Variants in PTPRN2 observed in about 807,000 individuals in gnomAD.
The protein encoded by PTPRN2 is receptor-type tyrosine-protein phosphatase N2.
PTPRN2 carries 74 observed loss-of-function variants against 118.8 expected under a neutral mutation model. The ratio of observed to expected loss-of-function variants is 0.62; its 90% CI spans 0.52 to 0.76. The LOEUF is 0.76. Among genes scored for constraint, PTPRN2 ranks in the 30% least tolerant of loss-of-function variants. The pLI is 0.00. For missense variants in PTPRN2, 1,481 were observed against 1,394.4 expected, an observed-to-expected ratio of 1.06 and a Z score of -0.99; for synonymous variants, 641 against 608.0, an observed-to-expected ratio of 1.05 and a Z score of -0.80.
chr7:158,044,256 C>T (rs934494710), intron 11 of PTPRN2, among the ~76,000 whole-genome samples: 2 of 152,164 alleles, frequency 1.3e-5, no homozygotes, highest in Admixed American at 6.5e-5. Flanking sequence ...GAAGCTGGTG[C>T]GTCTGGGGAG....
chr7:158,032,412 C>T (rs1467678925), intron 11 of PTPRN2, among the ~76,000 whole-genome samples: 2 of 152,194 alleles, frequency 1.3e-5, no homozygotes, highest in East Asian at 3.9e-4. Flanking sequence ...GGTCAGTTCT[C>T]ATGGTGGAGG....
intron 1 of PTPRN2, among the ~76,000 whole-genome samples, chr7:158,492,254 G>C (rs1821513874): frequency 6.6e-6 from 1 of 152,224 alleles, no homozygotes. Context: ...ACTCTGCTCA[G>C]GATTCTAGGG....
At chr7:158,008,466 C>T (rs867493256) in intron 11 of PTPRN2, among the ~76,000 whole-genome samples, 1 of 152,202 alleles carries the variant, frequency 6.6e-6, no homozygotes. Flanking sequence ...GAACCTGTCC[C>T]GCGCGCGTGG....
chr7:157,980,046 G>A (rs1803020110), intron 11 of PTPRN2, among the ~76,000 whole-genome samples: 1 of 152,162 alleles, frequency 6.6e-6, no homozygotes, highest in African/African-American at 2.4e-5. Flanking sequence ...TAATCACTGA[G>A]GACTCCTTAG....
chr7:157,824,858 A>G (rs887963971), intron 12 of PTPRN2, among the ~76,000 whole-genome samples: 14 of 152,322 alleles, frequency 9.2e-5, no homozygotes, highest in Middle Eastern at 3.4e-3. Flanking sequence ...CCTTGGCTGG[A>G]GCAGATGATG....
chr7:158,529,872 A>G lies in PTPRN2; in HGVS notation c.113-40087T>C, dbSNP rs1429897300. Among the ~76,000 whole-genome samples the G allele has an allele frequency of 2.0e-5, 3 of 152,070 alleles. No individual in the cohort carries two copies. Among genetic ancestry groups the G allele is most frequent in the Non-Finnish European group, 2.9e-5 (2 of 68,012 alleles). On this transcript the variant is annotated intron_variant, in intron 1 of 22. Transcript: ENST00000389418. The surrounding 1 kb of genome is among the most constrained non-coding windows in gnomAD (Gnocchi z 4.7). ...GTGTACATCACACATGCCACACACC[A>G]CACATATGCACACCACACACGTGCC...
chr7:157,834,292 C>T (rs1192436836), intron 12 of PTPRN2, among the ~76,000 whole-genome samples: 2 of 142,342 alleles, frequency 1.4e-5, no homozygotes, highest in African/African-American at 2.9e-5. Context: ...TCCCTGTGAT[C>T]AATCCATCAA....
At chr7:157,910,470 CG>C (rs1182468320) in intron 11 of PTPRN2, among the ~76,000 whole-genome samples, 2 of 131,464 alleles carry the variant, frequency 1.5e-5, no homozygotes, top group Non-Finnish European at 3.2e-5. Flanking sequence ...CACGCACGTA[CG>C]CCGTGGGGAC....
At chr7:158,359,564 C>T (rs996812947) in intron 2 of PTPRN2, among the ~76,000 whole-genome samples, 5 of 152,048 alleles carry the variant, frequency 3.3e-5, no homozygotes, top group African/African-American at 7.2e-5. Flanking sequence ...TCAGCAACAC[C>T]GCGACACTCT....
At chr7:158,332,496 C>A (rs1337634174) in intron 2 of PTPRN2, among the ~76,000 whole-genome samples, 2 of 149,076 alleles carry the variant, frequency 1.3e-5, no homozygotes, top group South Asian at 2.1e-4. Flanking sequence ...CTCACACCCA[C>A]ACTCTCACCA....
chr7:158,336,398 CCA>C (rs1198342884), intron 2 of PTPRN2, among the ~76,000 whole-genome samples: 1 of 133,590 alleles, frequency 7.5e-6, no homozygotes, highest in East Asian at 2.4e-4. Flanking sequence ...TCACTCACAC[CCA>C]CACTCTCACA....
chr7:158,115,971 G>T (rs1021136275), intron 9 of PTPRN2, among the ~76,000 whole-genome samples: 7 of 152,168 alleles, frequency 4.6e-5, no homozygotes, highest in Middle Eastern at 3.2e-3. Context: ...GTTCGCTCAG[G>T]TGAGTAACTG....
chr7:157,559,934 C>A (rs1015239536), intron 21 of PTPRN2, among the ~76,000 whole-genome samples: 1 of 152,158 alleles, frequency 6.6e-6, no homozygotes, highest in African/African-American at 2.4e-5. Flanking sequence ...CGTGGTCTGA[C>A]CCCTAAATGT....
At chr7:158,448,740 G>A (rs1213150415) in intron 2 of PTPRN2, among the ~76,000 whole-genome samples, 1 of 152,176 alleles carries the variant, frequency 6.6e-6, no homozygotes, top group Non-Finnish European at 1.5e-5. Context: ...GCTGCTGGGG[G>A]CATTTCCAGC....
At chr7:158,097,674 C>T (rs1814746963) in intron 10 of PTPRN2, among the ~76,000 whole-genome samples, 1 of 152,254 alleles carries the variant, frequency 6.6e-6, no homozygotes, top group African/African-American at 2.4e-5. Flanking sequence ...TCGATCACCG[C>T]CGCCGCAGAC....
chr7:158,318,159 C>T (rs547597726), intron 2 of PTPRN2, among the ~76,000 whole-genome samples: 1 of 152,284 alleles, frequency 6.6e-6, no homozygotes, highest in East Asian at 1.9e-4. Context: ...CGCCCCCCAC[C>T]GTCCGTGATG....
At chr7:157,721,605 G>A (rs558456744) in intron 12 of PTPRN2, among the ~76,000 whole-genome samples, 12 of 152,196 alleles carry the variant, frequency 7.9e-5, no homozygotes, top group South Asian at 2.1e-4. Flanking sequence ...CCACTGAGTC[G>A]CAGCTCCCCT....
chr7:158,012,470 A>G (rs1563326978), intron 11 of PTPRN2, among the ~76,000 whole-genome samples: 1 of 152,240 alleles, frequency 6.6e-6, no homozygotes, highest in African/African-American at 2.4e-5. Flanking sequence ...CAAAATTCAC[A>G]AAGCGTAGAA....
intron 14 of PTPRN2, among the ~76,000 whole-genome samples, chr7:157,625,299 A>T (rs1044337541): frequency 2.0e-5 from 3 of 152,256 alleles, no homozygotes; most frequent in African/African-American, 7.2e-5. Flanking sequence ...ATAGCAGCAC[A>T]ATTCACAGCT....
Sources: allele counts gnomAD v4.1 joint callset (sites outside exome capture counted in the v4.1 genomes callset), GRCh38; gene constraint gnomAD v4.1.1; non-coding constraint Gnocchi (gnomAD v3.1); transcripts MANE v1.5; gene names NCBI Gene and HGNC (gene_info 2026-07-23, HGNC 2026-07-21).